The following CSMD1 variants were observed in gnomAD, a reference collection of about 807,000 sequenced individuals.
CSMD1 encodes the protein CUB and sushi domain-containing protein 1.
CSMD1 carries 213 observed loss-of-function variants against 417.5 expected under a neutral mutation model. The ratio of observed to expected loss-of-function variants is 0.51; its 90% CI spans 0.46 to 0.57. CSMD1 has a LOEUF of 0.57. CSMD1 is among the 20% of genes least tolerant of loss of function. CSMD1 has a pLI of 0.00. For missense variants in CSMD1, 6,923 were observed against 4,529.7 expected (o/e 1.53, Z -15.17); for synonymous variants, 2,862 against 1,736.8 (o/e 1.65, Z -16.11).
At chr8:3,470,574 C>A (rs1283436113) in intron 11 of CSMD1, among the ~76,000 whole-genome samples, 1 of 152,098 alleles carries the variant, frequency 6.6e-6, no homozygotes. Flanking sequence ...AAATACGTCA[C>A]ATGTCTCGGC....
intron 5 of CSMD1, among the ~76,000 whole-genome samples, chr8:3,840,157 C>G (rs1356532771): frequency 7.9e-5 from 12 of 152,012 alleles, no homozygotes; most frequent in Non-Finnish European, 1.0e-4. Flanking sequence ...TTAATGTTTT[C>G]TCAACATGCC....
chr8:3,761,847 G>C (rs976006768), intron 5 of CSMD1, among the ~76,000 whole-genome samples: 2 of 151,886 alleles, frequency 1.3e-5, no homozygotes, highest in African/African-American at 2.4e-5. Flanking sequence ...CACCCGGAGC[G>C]GCACTCATGA....
chr8:4,790,375 C>T (rs1420989361), intron 1 of CSMD1, among the ~76,000 whole-genome samples: 2 of 152,072 alleles, frequency 1.3e-5, no homozygotes, highest in African/African-American at 4.8e-5. Flanking sequence ...CAGGAAGAAT[C>T]AATATTGTTA....
chr8:4,769,167 T>G (rs1796481153), intron 1 of CSMD1, among the ~76,000 whole-genome samples: 1 of 152,192 alleles, frequency 6.6e-6, no homozygotes, highest in South Asian at 2.1e-4. Context: ...GATTTTAGCT[T>G]TGTAAGATGT....
In CSMD1 at chr8:4,301,128, G is replaced by A. The variant is rs538720541; in HGVS notation, c.415+118825C>T. Among the ~76,000 whole-genome samples, 8 of 152,294 alleles carry A rather than the reference G, an allele frequency of 5.3e-5. No individual in the cohort carries two copies. In the South Asian group the frequency reaches 1.7e-3, roughly 32 times the overall value. The stretch of plus-strand genomic sequence containing the variant: ...CTCTTGCAAAATTGCCCGTGTTTGA[G>A]GAGAGGAATGAGCAGGAGCATTGTT... On this transcript the variant is annotated intron_variant, in intron 3 of 69. Coordinates refer to ENST00000635120, the MANE Select transcript of CSMD1 (RefSeq NM_033225.6).
Position 3,384,790 on chromosome 8 carries a change from T to TTATATAATATATATA in CSMD1, c.2782+2703_2782+2704insTATATATATTATATA, listed in dbSNP as rs1174616551. Among the ~76,000 whole-genome samples, 406 of 118,662 alleles carry TTATATAATATATATA rather than the reference T, an allele frequency of 3.4e-3. 3 individuals carry two copies. The highest frequency in any genetic ancestry group is 9.8e-3 in the African/African-American group (289 of 29,584). 77.8% of individuals were successfully genotyped at this position (118,662 alleles called of 152,430 possible). ...AAATATATATTTATATAATATATAT[T>TTATATAATATATATA]AATATATGCTATTTATATATAAATA... is the stretch of plus-strand genomic sequence containing the variant. On this transcript the variant is annotated intron_variant, in intron 18 of 69. Transcript: ENST00000635120.
chr8:3,031,591 G>C (rs949557204), intron 50 of CSMD1, among the ~76,000 whole-genome samples: 15 of 151,848 alleles, frequency 9.9e-5, no homozygotes, highest in Non-Finnish European at 1.9e-4. Context: ...ATACAGACTA[G>C]GTCTAGTTAT....
intron 11 of CSMD1, among the ~76,000 whole-genome samples, chr8:3,483,011 G>A (rs933923505): frequency 6.6e-6 from 1 of 152,132 alleles, no homozygotes; most frequent in East Asian, 1.9e-4. Flanking sequence ...AACAGTAAAT[G>A]ACTACATTAG....
intron 3 of CSMD1, among the ~76,000 whole-genome samples, chr8:4,130,931 T>C (rs561816662): frequency 6.6e-6 from 1 of 152,192 alleles, no homozygotes; most frequent in African/African-American, 2.4e-5. Flanking sequence ...ATTCAGGCTT[T>C]CTGAATATCA....
At position 3,188,985 on chromosome 8, in the gene CSMD1, G is replaced by C; in HGVS notation, c.5425C>G (p.Arg1809Gly). The part of the protein sequence containing the change: ...VVPCSGNFTQ[R>G]RGTILSPGYP... ...CCGGGGGACAGGATTGTACCTCTTCGTTGAGTGAAATTGCCACTGCAGGGT... is the reference window on the plus strand; with the variant it reads ...CCGGGGGACAGGATTGTACCTCTTCCTTGAGTGAAATTGCCACTGCAGGGT... Residue 1809 changes from arginine to glycine, a missense_variant, in exon 35 of 70, where the codon CGA (arginine) becomes GGA (glycine). Coordinates refer to ENST00000635120, the MANE Select transcript of CSMD1 (RefSeq NM_033225.6). 1.2e-6 allele frequency: 2 copies of C among 1,613,176 alleles called. No individual in the cohort carries two copies. The highest frequency in any genetic ancestry group is 1.7e-6 in the Non-Finnish European group (2 of 1,179,484).
At chr8:3,464,072 G>C (rs1816666868) in intron 12 of CSMD1, among the ~76,000 whole-genome samples, 1 of 152,278 alleles carries the variant, frequency 6.6e-6, no homozygotes, top group African/African-American at 2.4e-5. Context: ...GTCTTGTTTT[G>C]ACTATACAGC....
At chr8:4,610,002 G>C (rs1233227559) in intron 2 of CSMD1, among the ~76,000 whole-genome samples, 1 of 151,544 alleles carries the variant, frequency 6.6e-6, no homozygotes, top group African/African-American at 2.4e-5. Context: ...CTATGGGAAT[G>C]ACCATTGCTT....
At chr8:4,865,875 C>A (rs905778840) in intron 1 of CSMD1, among the ~76,000 whole-genome samples, 4 of 151,774 alleles carry the variant, frequency 2.6e-5, no homozygotes, top group Admixed American at 2.0e-4. Flanking sequence ...TTAATTTTAA[C>A]CAAATTTAAT....
At chr8:3,564,756 A>G (rs200588628) in intron 10 of CSMD1, among the ~76,000 whole-genome samples, 2 of 64,850 alleles carry the variant, frequency 3.1e-5, no homozygotes, top group Non-Finnish European at 6.4e-5. Context: ...CAAAAAACCC[A>G]AAAAACCACA....
intron 9 of CSMD1, among the ~76,000 whole-genome samples, chr8:3,584,977 C>G (rs1800536017): frequency 6.6e-6 from 1 of 152,272 alleles, no homozygotes; most frequent in East Asian, 1.9e-4. Flanking sequence ...AAGGGGACAG[C>G]CATGTGCATT....
intron 3 of CSMD1, among the ~76,000 whole-genome samples, chr8:4,239,707 G>A (rs1486928828): frequency 2.0e-5 from 3 of 152,142 alleles, no homozygotes; most frequent in Admixed American, 6.5e-5. Flanking sequence ...TGTTGTTTTG[G>A]GAAAACTGGT....
At chr8:4,722,332 A>G (rs1809111703) in intron 1 of CSMD1, among the ~76,000 whole-genome samples, 1 of 152,202 alleles carries the variant, frequency 6.6e-6, no homozygotes, top group Admixed American at 6.6e-5. Flanking sequence ...AATATATTTA[A>G]TATCCATGCA....
At chr8:3,222,274 T>C (rs1019495449) in intron 28 of CSMD1, among the ~76,000 whole-genome samples, 6 of 152,088 alleles carry the variant, frequency 3.9e-5, no homozygotes, top group African/African-American at 1.4e-4. Context: ...AGTTGCACTT[T>C]ATGGGAGGGA....
chr8:4,449,349 CCT>C (rs1251913421), intron 2 of CSMD1, among the ~76,000 whole-genome samples: 4 of 152,142 alleles, frequency 2.6e-5, no homozygotes, highest in Admixed American at 6.6e-5. Context: ...TAAGCCTCCC[CCT>C]CTCTTTTTTT....
Sources: gnomAD v4.1 joint callset for allele counts (sites outside exome capture counted in the v4.1 genomes callset) on GRCh38, gnomAD v4.1.1 for gene constraint, MANE v1.5 for transcripts, NCBI Gene and HGNC (gene_info 2026-07-23, HGNC 2026-07-21) for gene names.